SETX: variants seen among roughly 807,000 people sequenced by gnomAD.
SETX encodes helicase senataxin.
In SETX, 90 loss-of-function variants were observed where a neutral mutation model predicts 227.2. That is an observed-to-expected ratio of 0.40 (90% CI 0.33 to 0.47). SETX has a LOEUF of 0.47. SETX is among the 20% of genes least tolerant of loss of function. The pLI is 0.91. For missense variants in SETX, 3,052 were observed against 3,181.5 expected (o/e 0.96, Z 0.98); for synonymous variants, 1,210 against 1,113.2 (o/e 1.09, Z -1.73).
intron 20 of SETX, among the ~76,000 whole-genome samples, chr9:132,278,694 T>C (rs1843325026): frequency 6.6e-6 from 1 of 152,224 alleles, no homozygotes; most frequent in South Asian, 2.1e-4. Context: ...GATATGATCT[T>C]GTGAAAGACA....
At position 132,336,521 on chromosome 9, in the gene SETX, T is replaced by A; in HGVS notation, c.499-6A>T. ...AAGATAGCCCAACGCCGAACCTAAA[T>A]GCAGAATATATTTATTACTTAATTC... On this transcript the variant is annotated splice_region_variant and splice_polypyrimidine_tract_variant and intron_variant, in intron 5 of 25. Transcript: ENST00000224140. 1 of 1,591,998 alleles carries A rather than the reference T, an allele frequency of 6.3e-7. No homozygotes were observed. The highest frequency in any genetic ancestry group is 8.6e-7 in the Non-Finnish European group (1 of 1,159,836).
chr9:132,290,937 C>T (rs146072719), intron 15 of SETX, among the ~76,000 whole-genome samples: 2,908 of 152,094 alleles, frequency 0.019, 103 homozygotes, highest in African/African-American at 0.067. Context: ...TAATTGGACA[C>T]GTCACAGTTA....
In SETX at chr9:132,330,003, T is replaced by G. The variant is rs1490989896; in HGVS notation, c.1595A>C (p.Gln532Pro). 1 of 1,614,182 alleles carries G rather than the reference T, an allele frequency of 6.2e-7. No individual in the cohort carries two copies. The highest frequency in any genetic ancestry group is 8.5e-7 in the Non-Finnish European group (1 of 1,179,984). ...TCTAATCAGCTGCACATAAGCAAGT[T>G]GTACAGAGTTAGATGGCATGGAATG... ...SLHSMPSNSVQLAYVQLIRSL... is the reference protein window; with the variant it reads ...SLHSMPSNSVPLAYVQLIRSL... The change falls in exon 10 of 26, where the codon CAA becomes CCA. Residue 532 changes from glutamine (Q) to proline (P), a missense_variant. By Grantham distance (76) the Gln-to-Pro change is moderately conservative. Coordinates refer to ENST00000224140, the MANE Select transcript of SETX (RefSeq NM_015046.7).
intron 13 of SETX, 104 bp downstream of exon 13, chr9:132,297,976 G>A: frequency 2.0e-6 from 2 of 987,762 alleles, no homozygotes; most frequent in Non-Finnish European, 1.6e-6. Flanking sequence ...TGTTCACCGT[G>A]AACACATTTT....
chr9:132,301,938 G>A (rs1021820476), intron 11 of SETX, among the ~76,000 whole-genome samples: 1 of 152,246 alleles, frequency 6.6e-6, no homozygotes, highest in African/African-American at 2.4e-5. Context: ...CCACTGCTGA[G>A]AGAAACTGAA....
rs1847066747 is a variant in SETX at position 132,329,307 on chromosome 9, T to C, written c.2291A>G (p.Asp764Gly). The change falls in exon 10 of 26, where the codon GAT (aspartate) becomes GGT (glycine). Residue 764 changes from aspartate (D) to glycine (G), a missense_variant. Around this residue, in one of 10 missense-constraint regions of SETX, gnomAD observed 1,483 missense variants for 1,312.0 expected, o/e 1.13. Transcript: ENST00000224140. ...ALEKVSTSNE[D>G]FSLKDDALAK... is the part of the protein sequence containing the mutation. Reference sequence around the variant, plus strand: ...AAGAGCATCATCCTTTAAAGAGAAATCTTCATTCGATGTGGACACTTTTTC... The same window carrying C: ...AAGAGCATCATCCTTTAAAGAGAAACCTTCATTCGATGTGGACACTTTTTC... The C allele has an allele frequency of 3.7e-6, 6 of 1,613,852 alleles. No homozygotes were observed. Among genetic ancestry groups the C allele is most frequent in the Non-Finnish European group, 5.1e-6 (6 of 1,179,902 alleles).
chr9:132,314,914 T>A (rs967013646), intron 10 of SETX, among the ~76,000 whole-genome samples: 1 of 139,922 alleles, frequency 7.1e-6, no homozygotes, highest in African/African-American at 2.6e-5. Context: ...GTGTTTTTTT[T>A]TTTTTTTTTT....
intron 5 of SETX, among the ~76,000 whole-genome samples, chr9:132,341,572 C>A (rs1200868059): frequency 2.0e-5 from 3 of 152,212 alleles, no homozygotes; most frequent in Non-Finnish European, 4.4e-5. Flanking sequence ...TACATAAGGG[C>A]TAGGCAGACT....
Position 132,329,053 on chromosome 9 carries a change from G to C in SETX, c.2545C>G (p.Leu849Val). The change falls in exon 10 of 26, where the codon CTG (leucine) becomes GTG (valine). Residue 849 changes from leucine to valine, a missense_variant. By Grantham distance (32) the Leu-to-Val change is conservative (BLOSUM62 1). Around this residue, in one of 10 missense-constraint regions of SETX, gnomAD observed 1,483 missense variants for 1,312.0 expected, o/e 1.13. Coordinates refer to ENST00000224140, the MANE Select transcript of SETX (RefSeq NM_015046.7). ...HNLSLDPSGV[L>V]DDKNGEQKSQ... Reference sequence around the variant, plus strand: ...TTTTGTTCTCCATTCTTATCATCCAGAACACCACTAGGGTCTAAAGAAAGA... The same window carrying C: ...TTTTGTTCTCCATTCTTATCATCCACAACACCACTAGGGTCTAAAGAAAGA... The C allele has an allele frequency of 6.2e-7, 1 of 1,609,212 alleles. No individual in the cohort carries two copies. Among genetic ancestry groups the C allele is most frequent in the Non-Finnish European group, 8.5e-7 (1 of 1,178,728 alleles).
Position 132,352,909 on chromosome 9 carries a change from C to CT in SETX, c.-8+739dup, listed in dbSNP as rs546503204. ...GAATTATCCTATACGCTCCTTCTCC[C>CT]TCAGCCGCAATCTCTGAGCTCCAGA... On this transcript the variant is annotated intron_variant, in intron 2 of 25. Coordinates refer to ENST00000224140, the MANE Select transcript of SETX (RefSeq NM_015046.7). Among the ~76,000 whole-genome samples, 734 of 152,314 alleles carry CT rather than the reference C, an allele frequency of 4.8e-3. 3 individuals are homozygous for CT. Among genetic ancestry groups the CT allele is most frequent in the Middle Eastern group, 0.017 (5 of 294 alleles).
chr9:132,300,284 G>C (rs1164308621), intron 12 of SETX, among the ~76,000 whole-genome samples: 3 of 152,152 alleles, frequency 2.0e-5, no homozygotes, highest in African/African-American at 7.2e-5. Context: ...CTGCCTTACA[G>C]TGAGTTTTAT....
In SETX at chr9:132,272,485, A is replaced by AG. The variant is rs111663843; in HGVS notation, c.7101-678_7101-677insC. Among the ~76,000 whole-genome samples, 24 of 151,016 alleles carry AG rather than the reference A, an allele frequency of 1.6e-4. 1 individual carries two copies. The highest frequency in any genetic ancestry group is 2.6e-4 in the Admixed American group (4 of 15,170). ...ATTTTTAAAGAAACTTAAAAAAAAAAAGAGAGAGAGAGAGAGACAGAGTCT... is the reference window on the plus strand; with the variant it reads ...ATTTTTAAAGAAACTTAAAAAAAAAAGAGAGAGAGAGAGAGAGACAGAGTCT... On this transcript the variant is annotated intron_variant, in intron 23 of 25. Coordinates refer to ENST00000224140, the MANE Select transcript of SETX (RefSeq NM_015046.7).
At chr9:132,296,548 G>A (rs1276279162) in intron 14 of SETX, among the ~76,000 whole-genome samples, 8 of 150,674 alleles carry the variant, frequency 5.3e-5, no homozygotes, top group African/African-American at 9.8e-5. Context: ...GGATGACAGC[G>A]AGACACTGTC....
chr9:132,295,921 T>A lies in SETX; in HGVS notation c.6057A>T (p.Lys2019Asn). ...ATTTTTCTTTGAATTCAAGGATAAT[T>A]TTTTTCATGAGTTCATCAACAGCTG... ...SNAAVDELMK[K>N]IILEFKEKCK... is the part of the protein sequence containing the mutation. Residue 2019 changes from lysine to asparagine, a missense_variant, in exon 15 of 26, where the codon AAA becomes AAT. Lys to Asn is a moderately conservative substitution (Grantham distance 94, BLOSUM62 0). This residue lies in a region of SETX where 412 missense variants were observed against 589.0 expected (regional missense o/e 0.70). Coordinates refer to ENST00000224140, the MANE Select transcript of SETX (RefSeq NM_015046.7). The A allele has an allele frequency of 6.2e-7, 1 of 1,614,140 alleles. No individual in the cohort carries two copies. The highest frequency in any genetic ancestry group is 1.7e-5 in the Admixed American group (1 of 60,034).
At chr9:132,349,544 C>T in intron 2 of SETX, 109 bp from the exon 3 acceptor site, 1 of 1,065,306 alleles carries the variant, frequency 9.4e-7, no homozygotes, top group Non-Finnish European at 1.4e-6. Context: ...TAAAATGTGT[C>T]ACTAAAACCC....
At chr9:132,314,384 C>T (rs1418395250) in intron 10 of SETX, among the ~76,000 whole-genome samples, 1 of 152,182 alleles carries the variant, frequency 6.6e-6, no homozygotes, top group South Asian at 2.1e-4. Flanking sequence ...CCACCGTGCC[C>T]GGCCCACATT....
chr9:132,351,164 G>A (rs950559502), intron 2 of SETX, among the ~76,000 whole-genome samples: 2 of 151,576 alleles, frequency 1.3e-5, no homozygotes, highest in Non-Finnish European at 2.9e-5. Flanking sequence ...TTTTTTTTCC[G>A]GTAACCTAGT....
chr9:132,326,918 GT>G lies in SETX; in HGVS notation c.4679del (p.Asn1560ThrfsTer12). The G allele has an allele frequency of 6.2e-7, 1 of 1,614,122 alleles. No individual in the cohort carries two copies. Among genetic ancestry groups the G allele is most frequent in the Non-Finnish European group, 8.5e-7 (1 of 1,180,020 alleles). ...AGTGTTTTGGGCAGTATTCACCCTG[GT>G]TTTTTGTGGTTTCAAGACAATCTTT... ...KYKDCLETTK[N>X]QGEYCPKHSE... is the part of the protein sequence containing the mutation. On this transcript the variant is annotated frameshift_variant, in exon 10 of 26. Transcript: ENST00000224140. LOFTEE classifies it high-confidence loss of function.
intron 11 of SETX, among the ~76,000 whole-genome samples, chr9:132,302,864 T>A (rs1032528681): frequency 1.3e-5 from 2 of 152,034 alleles, no homozygotes; most frequent in African/African-American, 4.8e-5. Flanking sequence ...GCTATACAGA[T>A]AAAGAAAACG....
Sources: gnomAD v4.1 joint callset for allele counts (sites outside exome capture counted in the v4.1 genomes callset) on GRCh38, gnomAD v4.1.1 for gene constraint, gnomAD v4.1.1 regional missense constraint, MANE v1.5 for transcripts, NCBI Gene and HGNC (gene_info 2026-07-23, HGNC 2026-07-21) for gene names.